AAK1: variants seen among roughly 807,000 people sequenced by gnomAD.
AAK1 encodes the protein AP2 associated kinase 1.
A neutral mutation model predicts 116.0 loss-of-function variants in AAK1; 37 were observed. The observed-to-expected ratio is 0.32, with a 90% CI of 0.25 to 0.42. The LOEUF (loss-of-function observed/expected upper bound fraction) is 0.42, where lower values mean the gene tolerates loss of function less well. Among genes scored for constraint, AAK1 ranks in the 10% least tolerant of loss-of-function variants. The pLI is 1.00. For synonymous variants in AAK1, 458 were observed against 439.9 expected, an observed-to-expected ratio of 1.04 and a Z score of -0.51; for missense variants, 919 against 1,170.6, an observed-to-expected ratio of 0.79 and a Z score of 3.14.
chr2:69,496,162 T>C, intron 16 of AAK1, 82 bp from the exon 17 acceptor site: 1 of 954,014 alleles, frequency 1.0e-6, no homozygotes, highest in Non-Finnish European at 1.6e-6. Flanking sequence ...CTAGGTAAGT[T>C]TACCCTCTAT....
chr2:69,540,134 T>C (rs900809462), intron 5 of AAK1, among the ~76,000 whole-genome samples: 4 of 150,734 alleles, frequency 2.7e-5, no homozygotes, highest in Non-Finnish European at 5.9e-5. Flanking sequence ...TTTTTTTTTT[T>C]TTTTTGAGAC....
In AAK1 at chr2:69,467,740, C is replaced by G. The variant is rs1674536931; in HGVS notation, c.*8129G>C. On this transcript the variant is annotated 3_prime_UTR_variant, in exon 22 of 22. Coordinates refer to ENST00000409085, the MANE Select transcript of AAK1 (RefSeq NM_014911.5). ...CAGAAATTTCTGCCAAAAATTATCC[C>G]CTGCTAAAGTTTCTGCATGAATTAA... 1.0e-6 allele frequency: 1 copy of G among 985,268 alleles called. No homozygotes were observed. The highest frequency in any genetic ancestry group is 1.2e-6 in the Non-Finnish European group (1 of 829,934). The allele number at this position is 985,268 out of a possible 1,614,324, so 61.0% of individuals were successfully genotyped here. A position where few individuals can be genotyped will look rare whatever the true frequency, so the allele number is the denominator to read the frequency against.
intron 2 of AAK1, among the ~76,000 whole-genome samples, chr2:69,616,419 T>C (rs554673588): frequency 6.6e-6 from 1 of 152,356 alleles, no homozygotes; most frequent in African/African-American, 2.4e-5. Flanking sequence ...ATAAACCTGA[T>C]TTTGCCATTT....
At chr2:69,583,623 A>T (rs935191739) in intron 2 of AAK1, among the ~76,000 whole-genome samples, 1 of 152,238 alleles carries the variant, frequency 6.6e-6, no homozygotes, top group East Asian at 1.9e-4. Context: ...TTCATGGCTG[A>T]AAGTCCAAAG....
intron 7 of AAK1, among the ~76,000 whole-genome samples, 169 bp downstream of exon 7, chr2:69,530,456 C>T (rs1230484556): frequency 2.0e-5 from 3 of 152,178 alleles, no homozygotes; most frequent in Non-Finnish European, 4.4e-5. Context: ...CTTTATCATG[C>T]TTCAAGAAGC....
intron 13 of AAK1, 34 bp from the exon 14 acceptor site, chr2:69,509,494 A>T: frequency 6.5e-7 from 1 of 1,532,982 alleles, no homozygotes; most frequent in Admixed American, 2.2e-5. Context: ...TGTTTCATTA[A>T]ATTAAAAAAA....
chr2:69,472,693 T>C lies in AAK1; in HGVS notation c.*3176A>G. 10 of 985,450 alleles carry C rather than the reference T, an allele frequency of 1.0e-5. No individual in the cohort carries two copies. The highest frequency in any genetic ancestry group is 1.2e-5 in the Non-Finnish European group (10 of 829,918). The allele number at this position is 985,450 out of a possible 1,614,324, so 61.0% of individuals were successfully genotyped here. A position where few individuals can be genotyped will look rare whatever the true frequency, so the allele number is the denominator to read the frequency against. ...AATTTGTCATGTTTTCTGCTATAGT[T>C]ACTCCTCTTACATAGCTGGAATAAA... On this transcript the variant is annotated 3_prime_UTR_variant, in exon 22 of 22. Transcript: ENST00000409085.
In AAK1 at chr2:69,459,053, T is replaced by C. The variant is rs1674278915; in HGVS notation, c.*16816A>G. On this transcript the variant is annotated 3_prime_UTR_variant, in exon 22 of 22. Coordinates refer to ENST00000409085, the MANE Select transcript of AAK1 (RefSeq NM_014911.5). ...AATAAATTTATGGAATTACAAATTA[T>C]GGGAATACTGGACTAAGTCAAGAAT... is the stretch of plus-strand genomic sequence containing the variant. 6.6e-6 allele frequency: 1 copy of C among 152,158 alleles called. No individual in the cohort carries two copies. The highest frequency in any genetic ancestry group is 2.4e-5 in the African/African-American group (1 of 41,432). The allele number at this position is 152,158 out of a possible 1,614,324, so 9.4% of individuals were successfully genotyped here. A position where few individuals can be genotyped will look rare whatever the true frequency, so the allele number is the denominator to read the frequency against.
intron 2 of AAK1, among the ~76,000 whole-genome samples, chr2:69,625,666 A>G (rs1036393614): frequency 1.3e-5 from 2 of 152,110 alleles, no homozygotes; most frequent in African/African-American, 4.8e-5. Context: ...TGTGGTATAC[A>G]CTCCAGAAGA....
At chr2:69,617,457 G>C (rs1674387308) in intron 2 of AAK1, among the ~76,000 whole-genome samples, 1 of 152,190 alleles carries the variant, frequency 6.6e-6, no homozygotes, top group South Asian at 2.1e-4. Context: ...TAGGCTGTTT[G>C]AATTCTAAGT....
At chr2:69,634,931 A>G (rs1675382186) in intron 2 of AAK1, among the ~76,000 whole-genome samples, 1 of 152,244 alleles carries the variant, frequency 6.6e-6, no homozygotes, top group Non-Finnish European at 1.5e-5. Flanking sequence ...AGTAGTGTAC[A>G]AGATGACAAT....
intron 3 of AAK1, among the ~76,000 whole-genome samples, chr2:69,552,440 C>T (rs1347469759): frequency 1.3e-5 from 2 of 152,176 alleles, no homozygotes; most frequent in Non-Finnish European, 2.9e-5. Flanking sequence ...TGGCTAGCTG[C>T]AGTGGCTCAA....
At chr2:69,487,936 C>T (rs1382634127) in intron 17 of AAK1, among the ~76,000 whole-genome samples, 3 of 151,840 alleles carry the variant, frequency 2.0e-5, no homozygotes, top group Non-Finnish European at 4.4e-5. Flanking sequence ...ATTATAGGCG[C>T]CTGCCACCAC....
intron 2 of AAK1, among the ~76,000 whole-genome samples, chr2:69,590,220 C>G (rs1406167502): frequency 6.6e-6 from 1 of 152,216 alleles, no homozygotes; most frequent in Admixed American, 6.5e-5. Context: ...TTCCTAGTCA[C>G]TTCAGTACAT....
At chr2:69,522,746 G>A (rs545459436) in intron 10 of AAK1, among the ~76,000 whole-genome samples, 1 of 152,022 alleles carries the variant, frequency 6.6e-6, no homozygotes, top group South Asian at 2.1e-4. Context: ...AGAGGTTGCA[G>A]TGAGCCAAGA....
chr2:69,472,069 A>G lies in AAK1; in HGVS notation c.*3800T>C, dbSNP rs1223039314. The G allele has an allele frequency of 6.1e-6, 6 of 985,184 alleles. No individual in the cohort carries two copies. Among genetic ancestry groups the G allele is most frequent in the Non-Finnish European group, 7.2e-6 (6 of 829,686 alleles). 61.0% of individuals were successfully genotyped at this position (985,184 alleles called of 1,614,324 possible). On this transcript the variant is annotated 3_prime_UTR_variant, in exon 22 of 22. Coordinates refer to ENST00000409085, the MANE Select transcript of AAK1 (RefSeq NM_014911.5). ...CTTTCAGAGGTGTTTTAATACCCATATCTTTCAATGTTTTAAACCATTCTA... is the reference window on the plus strand; with the variant it reads ...CTTTCAGAGGTGTTTTAATACCCATGTCTTTCAATGTTTTAAACCATTCTA...
At chr2:69,636,554 G>A (rs1028869244) in intron 2 of AAK1, among the ~76,000 whole-genome samples, 1 of 152,124 alleles carries the variant, frequency 6.6e-6, no homozygotes, top group African/African-American at 2.4e-5. Flanking sequence ...TACTGCTCTA[G>A]ACCAACACTG....
chr2:69,475,808 G>T lies in AAK1; in HGVS notation c.*61C>A, dbSNP rs548199354. 6 of 1,527,164 alleles carry T rather than the reference G, an allele frequency of 3.9e-6. No homozygotes were observed. Among genetic ancestry groups the T allele is most frequent in the Non-Finnish European group, 5.3e-6 (6 of 1,128,948 alleles). 94.6% of individuals were successfully genotyped at this position (1,527,164 alleles called of 1,614,324 possible). On this transcript the variant is annotated 3_prime_UTR_variant, in exon 22 of 22. Coordinates refer to ENST00000409085, the MANE Select transcript of AAK1 (RefSeq NM_014911.5). ...AAAAAATCATTTTTTTCATAACTCC[G>T]TAATGAAAATGTATTTTACGGTATG...
intron 9 of AAK1, among the ~76,000 whole-genome samples, chr2:69,526,607 C>T (rs568464307): frequency 4.6e-5 from 7 of 152,236 alleles, no homozygotes; most frequent in African/African-American, 1.7e-4. Context: ...CATGCCCAGC[C>T]GTACTAGCAA....
Sources: gnomAD v4.1 joint callset for allele counts (sites outside exome capture counted in the v4.1 genomes callset) on GRCh38, gnomAD v4.1.1 for gene constraint, MANE v1.5 for transcripts, NCBI Gene and HGNC (gene_info 2026-07-23, HGNC 2026-07-21) for gene names.